The following GRIP1 variants were observed in gnomAD, a reference collection of about 807,000 sequenced individuals.
The protein encoded by GRIP1 is glutamate receptor-interacting protein 1.
Under a neutral mutation model 129.9 loss-of-function variants are expected in GRIP1, and 45 were observed. The ratio of observed to expected loss-of-function variants is 0.35; its 90% confidence interval spans 0.27 to 0.44. GRIP1 has a LOEUF of 0.44. GRIP1 is among the 20% of genes least tolerant of loss of function. GRIP1 has a pLI of 1.00. For synonymous variants in GRIP1, 530 were observed against 520.8 expected, an observed-to-expected ratio of 1.02 and a Z score of -0.24; for missense variants, 1,196 against 1,396.8, an observed-to-expected ratio of 0.86 and a Z score of 2.29.
exon 1 of GRIP1, chr12:66,804,079 T>G: frequency 2.2e-6 from 1 of 455,800 alleles, no homozygotes. Flanking sequence ...AGCGTAATAA[T>G]AGACATCCTC....
At chr12:66,367,192 A>G (rs1168334) in intron 23 of GRIP1, among the ~76,000 whole-genome samples, 76,741 of 152,010 alleles carry the variant, frequency 0.5, 19,975 homozygotes, top group East Asian at 0.75. Flanking sequence ...CCTTATCTGC[A>G]AAGAGAGAGA....
At chr12:66,483,691 A>G (rs2059870631) in intron 7 of GRIP1, among the ~76,000 whole-genome samples, 1 of 152,188 alleles carries the variant, frequency 6.6e-6, no homozygotes, top group Admixed American at 6.5e-5. Flanking sequence ...ATGGAAGTAT[A>G]TCAACATGCA....
intron 1 of GRIP1, among the ~76,000 whole-genome samples, chr12:66,649,490 A>C (rs2032629222): frequency 2.6e-5 from 4 of 152,216 alleles, no homozygotes; most frequent in Admixed American, 2.6e-4. Context: ...GACAATGTGC[A>C]AGGAACCATG....
intron 1 of GRIP1, among the ~76,000 whole-genome samples, chr12:67,057,687 T>A (rs1002900760): frequency 3.9e-5 from 6 of 152,216 alleles, no homozygotes; most frequent in Non-Finnish European, 8.8e-5. Context: ...GTATCTTATA[T>A]GTATATCAGC....
chr12:66,567,072 C>A (rs915505139), intron 2 of GRIP1, among the ~76,000 whole-genome samples: 13 of 152,148 alleles, frequency 8.5e-5, no homozygotes, highest in African/African-American at 3.1e-4. Context: ...TTTCAAAAAA[C>A]CAGCTCCTGG....
At chr12:66,872,316 A>G (rs936374370) in intron 1 of GRIP1, among the ~76,000 whole-genome samples, 6 of 152,050 alleles carry the variant, frequency 3.9e-5, no homozygotes, top group Non-Finnish European at 7.4e-5. Context: ...CTTTATGTTC[A>G]TCAGGCAACA....
intron 1 of GRIP1, among the ~76,000 whole-genome samples, chr12:67,051,643 T>C (rs2043348063): frequency 6.6e-6 from 1 of 151,982 alleles, no homozygotes; most frequent in Non-Finnish European, 1.5e-5. Context: ...TAGTCATGAG[T>C]GGAATGGAAG....
intron 1 of GRIP1, among the ~76,000 whole-genome samples, chr12:66,788,971 G>A (rs193110674): frequency 6.6e-6 from 1 of 152,168 alleles, no homozygotes; most frequent in Admixed American, 6.6e-5. Context: ...TGATAGAAAG[G>A]AATTAAACTT....
intron 1 of GRIP1, among the ~76,000 whole-genome samples, chr12:66,889,627 G>A (rs1353959593): frequency 2.6e-5 from 4 of 152,122 alleles, no homozygotes; most frequent in Non-Finnish European, 4.4e-5. Flanking sequence ...TCCTTGATCA[G>A]GATAAACAGC....
intron 7 of GRIP1, among the ~76,000 whole-genome samples, chr12:66,494,017 A>G (rs2060173149): frequency 6.6e-6 from 1 of 152,222 alleles, no homozygotes; most frequent in African/African-American, 2.4e-5. Flanking sequence ...GGAGGATTCC[A>G]GGAAAAGTAT....
In GRIP1 at chr12:66,644,604, C is replaced by T. The variant is rs142735566; in HGVS notation, c.55+34246G>A. On this transcript the variant is annotated intron_variant, in intron 1 of 24. Transcript: ENST00000359742. ...ACAGATAATGTAGATACTCATACACCACTTTCACACTCAATCCCCATATCA... is the reference window on the plus strand; with the variant it reads ...ACAGATAATGTAGATACTCATACACTACTTTCACACTCAATCCCCATATCA... Among the ~76,000 whole-genome samples, 12 of 152,230 alleles carry T rather than the reference C, an allele frequency of 7.9e-5. No homozygotes were observed. In the East Asian group the frequency reaches 1.9e-3, roughly 24 times the overall value.
intron 1 of GRIP1, among the ~76,000 whole-genome samples, chr12:66,828,876 T>C (rs1348316560): frequency 6.6e-6 from 1 of 152,208 alleles, no homozygotes; most frequent in African/African-American, 2.4e-5. Flanking sequence ...ATTGCTCCTG[T>C]AATGCCTCAT....
chr12:66,618,626 T>C (rs2065142171), intron 1 of GRIP1, among the ~76,000 whole-genome samples: 1 of 152,188 alleles, frequency 6.6e-6, no homozygotes. Flanking sequence ...ACTTAAAATA[T>C]CTTTTGCAAC....
At chr12:66,856,715 A>G (rs2040011553) in intron 1 of GRIP1, among the ~76,000 whole-genome samples, 1 of 151,808 alleles carries the variant, frequency 6.6e-6, no homozygotes, top group Admixed American at 6.6e-5. Context: ...TTAAAAAGTC[A>G]GGAAACAACA....
At chr12:66,626,440 T>A (rs894713273) in intron 1 of GRIP1, among the ~76,000 whole-genome samples, 2 of 152,140 alleles carry the variant, frequency 1.3e-5, no homozygotes, top group African/African-American at 4.8e-5. Context: ...GTACATATTA[T>A]CTTCTGAATA....
chr12:66,356,195 T>C (rs1048299005), intron 23 of GRIP1, among the ~76,000 whole-genome samples: 3 of 152,172 alleles, frequency 2.0e-5, no homozygotes, highest in African/African-American at 7.2e-5. Context: ...GTAAGGCCTG[T>C]GGATGTTGAG....
At chr12:66,939,708 G>C in intron 1 of GRIP1, among the ~76,000 whole-genome samples, 1 of 151,906 alleles carries the variant, frequency 6.6e-6, no homozygotes, top group Non-Finnish European at 1.5e-5. Flanking sequence ...AAAAAAAAAA[G>C]TATTCCCATG....
chr12:66,612,316 T>C (rs375241420), intron 1 of GRIP1, among the ~76,000 whole-genome samples: 1 of 152,132 alleles, frequency 6.6e-6, no homozygotes, highest in African/African-American at 2.4e-5. Flanking sequence ...CTATACAGCA[T>C]GTGACTGTGC....
intron 12 of GRIP1, 32 bp from the exon 13 acceptor site, chr12:66,444,761 A>G: frequency 6.2e-7 from 1 of 1,610,940 alleles, no homozygotes; most frequent in Non-Finnish European, 8.5e-7. Context: ...GAGGTTGTAG[A>G]TGGAGTAAAT....
Sources: allele counts gnomAD v4.1 joint callset (sites outside exome capture counted in the v4.1 genomes callset), GRCh38; gene constraint gnomAD v4.1.1; transcripts MANE v1.5; gene names NCBI Gene and HGNC (gene_info 2026-07-23, HGNC 2026-07-21).